Variants in MVB12B observed in about 807,000 individuals in gnomAD.
MVB12B encodes ESCRT-I complex subunit MVB12B.
A neutral mutation model predicts 41.6 loss-of-function variants in MVB12B; 16 were observed. The ratio of observed to expected loss-of-function variants is 0.38; its 90% CI spans 0.26 to 0.58. MVB12B has a LOEUF of 0.58. Ranked by LOEUF, MVB12B falls within the 20% of genes least tolerant of loss-of-function variation. The probability of loss-of-function intolerance (pLI) is 0.62; values close to 1 mark genes in which losing one functional copy is unlikely to be tolerated. For synonymous variants in MVB12B, 133 were observed against 139.7 expected, an observed-to-expected ratio of 0.95 and a Z score of 0.34; for missense variants, 274 against 380.2, an observed-to-expected ratio of 0.72 and a Z score of 2.32.
intron 9 of MVB12B, among the ~76,000 whole-genome samples, chr9:126,502,269 A>G (rs1002983788): frequency 1.3e-5 from 2 of 151,300 alleles, no homozygotes; most frequent in Non-Finnish European, 2.9e-5. Context: ...GGCAGCTGCC[A>G]GCCCATTTCT....
At position 126,367,006 on chromosome 9, in the gene MVB12B, A is replaced by G. The variant is rs1830201214; in HGVS notation, c.205-14058A>G. On this transcript the variant is annotated intron_variant, in intron 2 of 9. Coordinates refer to ENST00000361171, the MANE Select transcript of MVB12B (RefSeq NM_033446.3). The surrounding 1 kb of genome is among the most constrained non-coding windows in gnomAD (Gnocchi z 4.3). Reference sequence around the variant, plus strand: ...CACCCTTCTTCTGAATGTTCCCACGAGACAGAGGCCAGAATCCTTCCAAGG... The same window carrying G: ...CACCCTTCTTCTGAATGTTCCCACGGGACAGAGGCCAGAATCCTTCCAAGG... Among the ~76,000 whole-genome samples the G allele has an allele frequency of 6.6e-6, 1 of 152,166 alleles. No individual in the cohort carries two copies. The highest frequency in any genetic ancestry group is 2.4e-5 in the African/African-American group (1 of 41,436).
intron 1 of MVB12B, among the ~76,000 whole-genome samples, chr9:126,328,538 G>A (rs1295522418): frequency 6.6e-6 from 1 of 152,100 alleles, no homozygotes; most frequent in African/African-American, 2.4e-5. Flanking sequence ...TGTGCCCTTG[G>A]ACAAATTATT....
intron 2 of MVB12B, among the ~76,000 whole-genome samples, chr9:126,372,387 C>T (rs1372609650): frequency 2.6e-5 from 4 of 152,204 alleles, no homozygotes; most frequent in African/African-American, 9.7e-5. Context: ...TGGGTATATA[C>T]CTAGGAGTAG....
intron 7 of MVB12B, among the ~76,000 whole-genome samples, chr9:126,452,400 G>A (rs1222975820): frequency 6.6e-6 from 1 of 152,206 alleles, no homozygotes; most frequent in Non-Finnish European, 1.5e-5. Context: ...TGGGGACTCA[G>A]CTCCAGACGT....
intron 2 of MVB12B, among the ~76,000 whole-genome samples, chr9:126,368,840 C>G (rs1830257091): frequency 6.6e-6 from 1 of 152,184 alleles, no homozygotes; most frequent in African/African-American, 2.4e-5. Flanking sequence ...ACTTTTTTCT[C>G]TGCATTTATA....
At chr9:126,377,227 G>A (rs1432514436) in intron 2 of MVB12B, among the ~76,000 whole-genome samples, 2 of 152,204 alleles carry the variant, frequency 1.3e-5, no homozygotes, top group African/African-American at 4.8e-5. Context: ...CCTACTCCTG[G>A]GGAAGAAATG....
intron 7 of MVB12B, among the ~76,000 whole-genome samples, chr9:126,456,757 A>C (rs1180553483): frequency 6.6e-6 from 1 of 152,166 alleles, no homozygotes; most frequent in Non-Finnish European, 1.5e-5. Context: ...TCTGCATTGC[A>C]GGGTGTTCTG....
intron 6 of MVB12B, chr9:126,397,650 G>A (rs966413009): frequency 9.1e-6 from 9 of 985,034 alleles, no homozygotes; most frequent in African/African-American, 1.7e-5. Context: ...TCTCCTGTGC[G>A]GTAATTTACA....
intron 7 of MVB12B, among the ~76,000 whole-genome samples, chr9:126,438,835 A>C (rs961531197): frequency 6.6e-6 from 1 of 152,182 alleles, no homozygotes; most frequent in Admixed American, 6.5e-5. Flanking sequence ...CTGTTTACAA[A>C]AGAGCCCATC....
intron 2 of MVB12B, among the ~76,000 whole-genome samples, chr9:126,357,327 G>C (rs1178953606): frequency 6.6e-6 from 1 of 152,228 alleles, no homozygotes; most frequent in Non-Finnish European, 1.5e-5. Flanking sequence ...ATGCAAGTCT[G>C]TGTGTGGACA....
chr9:126,382,921 A>T (rs1458985999), intron 3 of MVB12B, among the ~76,000 whole-genome samples: 1 of 152,134 alleles, frequency 6.6e-6, no homozygotes, highest in Non-Finnish European at 1.5e-5. Context: ...CATTAAAAAG[A>T]TATTTATTGG....
At chr9:126,334,348 T>G (rs2118795475) in intron 1 of MVB12B, among the ~76,000 whole-genome samples, 1 of 152,290 alleles carries the variant, frequency 6.6e-6, no homozygotes, top group Non-Finnish European at 1.5e-5. Context: ...TTGAGGTATT[T>G]TGGAAGTCAT....
chr9:126,488,687 T>C (rs1465983380), intron 9 of MVB12B, among the ~76,000 whole-genome samples: 1 of 152,172 alleles, frequency 6.6e-6, no homozygotes, highest in African/African-American at 2.4e-5. Flanking sequence ...ATGACCGTCT[T>C]CATCTACTGA....
intron 2 of MVB12B, among the ~76,000 whole-genome samples, chr9:126,368,049 A>T (rs1016661859): frequency 1.9e-4 from 29 of 152,342 alleles, no homozygotes; most frequent in Admixed American, 1.9e-3. Flanking sequence ...GCCCGCCTGC[A>T]TATCTAGGTG....
rs1427940805 is a variant in MVB12B at position 126,473,607 on chromosome 9, G to A, written c.758-7762G>A. Among the ~76,000 whole-genome samples the A allele has an allele frequency of 1.3e-5, 2 of 152,174 alleles. No individual in the cohort carries two copies. Among genetic ancestry groups the A allele is most frequent in the Non-Finnish European group, 2.9e-5 (2 of 68,036 alleles). ...AACAAGAATGCCAGAGCAGGAACAA[G>A]AAAGCCAAAGAGCGGAAGGTGCCAC... On this transcript the variant is annotated intron_variant, in intron 7 of 9. Coordinates refer to ENST00000361171, the MANE Select transcript of MVB12B (RefSeq NM_033446.3). This position sits in a 1 kb window ranked among gnomAD's most constrained non-coding sequence, Gnocchi z 4.0.
At chr9:126,341,122 C>T (rs568744712) in intron 2 of MVB12B, among the ~76,000 whole-genome samples, 1 of 152,306 alleles carries the variant, frequency 6.6e-6, no homozygotes, top group East Asian at 1.9e-4. Context: ...AGAACCCACG[C>T]TCTGAGAAGT....
chr9:126,484,148 G>A (rs1040121897), intron 9 of MVB12B, 116 bp downstream of exon 9: 24 of 928,000 alleles, frequency 2.6e-5, no homozygotes, highest in Admixed American at 9.5e-5. Context: ...GAGGTGTTCC[G>A]TTCTCTTCTG....
At chr9:126,483,585 C>T (rs1289168783) in intron 8 of MVB12B, among the ~76,000 whole-genome samples, 2 of 152,136 alleles carry the variant, frequency 1.3e-5, no homozygotes, top group African/African-American at 4.8e-5. Flanking sequence ...GCTTGGGCAC[C>T]TCCGGTTTAT....
At chr9:126,441,072 C>A (rs1164651291) in intron 7 of MVB12B, among the ~76,000 whole-genome samples, 6 of 152,188 alleles carry the variant, frequency 3.9e-5, no homozygotes, top group African/African-American at 1.4e-4. Flanking sequence ...CCGATGCAGC[C>A]CTCATTAGTC....
Sources: gnomAD v4.1 joint callset for allele counts (sites outside exome capture counted in the v4.1 genomes callset) on GRCh38, gnomAD v4.1.1 for gene constraint, Gnocchi (gnomAD v3.1) non-coding constraint, MANE v1.5 for transcripts, NCBI Gene and HGNC (gene_info 2026-07-23, HGNC 2026-07-21) for gene names.